Variants in DGKQ observed in about 807,000 individuals in gnomAD.
The protein encoded by DGKQ is DAG kinase theta.
DGKQ carries 97 observed loss-of-function variants against 104.2 expected under a neutral mutation model. That is an observed-to-expected ratio of 0.93 (90% CI 0.79 to 1.10). The LOEUF (loss-of-function observed/expected upper bound fraction) is 1.10. Among genes scored for constraint, DGKQ ranks in the 50% least tolerant of loss-of-function variants. The pLI is 0.00. For synonymous variants in DGKQ, 736 were observed against 595.2 expected (o/e 1.24, Z -3.44); for missense variants, 1,465 against 1,352.1 (o/e 1.08, Z -1.31).
In DGKQ at chr4:966,379, G is replaced by C. The variant is rs550920129; in HGVS notation, c.1428+87C>G. 5.6e-6 allele frequency: 8 copies of C among 1,432,050 alleles called. No individual in the cohort carries two copies. In the East Asian group the frequency reaches 1.6e-4, roughly 29 times the overall value. The allele number at this position is 1,432,050 out of a possible 1,614,324, so 88.7% of individuals were successfully genotyped here. Reference sequence around the variant, plus strand: ...GCCGCTGCCTAGCCAAGGAGAACTCGGCGTCTGGGGCACACCCACCCTGTG... The same window carrying C: ...GCCGCTGCCTAGCCAAGGAGAACTCCGCGTCTGGGGCACACCCACCCTGTG... On this transcript the variant is annotated intron_variant, in intron 12 of 22. Transcript: ENST00000273814.
Position 966,072 on chromosome 4 carries a change from C to G in DGKQ, c.1435G>C (p.Val479Leu). The G allele has an allele frequency of 6.3e-7, 1 of 1,597,968 alleles. No individual in the cohort carries two copies. Among genetic ancestry groups the G allele is most frequent in the South Asian group, 1.1e-5 (1 of 88,490 alleles). ...AACCGCGTCTGGCTCACCTGCCGCA[C>G]AGACATCTGCAGGGAGAGGGGCGGG... is the stretch of plus-strand genomic sequence containing the variant. ...DRLQDIRQMS[V>L]RQVSQTRFYV... is the part of the protein sequence containing the mutation. Residue 479 changes from valine to leucine, a missense_variant, in exon 13 of 23, where the codon GTG becomes CTG. Val to Leu is a conservative substitution (Grantham distance 32). Transcript: ENST00000273814.
chr4:965,395 G>A (rs991750148), intron 14 of DGKQ, 96 bp downstream of exon 14: 16 of 1,549,440 alleles, frequency 1.0e-5, no homozygotes, highest in Non-Finnish European at 1.3e-5. Context: ...GCTGCCCAAG[G>A]GAAAGGTCAG....
At chr4:967,412 T>G in intron 8 of DGKQ, 51 bp from the exon 9 acceptor site, 1 of 728,032 alleles carries the variant, frequency 1.4e-6, no homozygotes, top group Non-Finnish European at 2.1e-6. Context: ...CAGGCGGGGT[T>G]CAGTGGGGGG....
chr4:967,491 G>T, intron 8 of DGKQ, 58 bp downstream of exon 8: 1 of 1,561,296 alleles, frequency 6.4e-7, no homozygotes, highest in African/African-American at 1.3e-5. Flanking sequence ...AGGTGCGCCA[G>T]GTGCGGGGAC....
In DGKQ at chr4:962,532, T is replaced by A. The variant is rs779863076; in HGVS notation, c.2117A>T (p.Glu706Val). ...DPFSVLLSVD[E>V]ADAVLMDRWT... ...GCGGTCCATGAGCACGGCGTCGGCC[T>A]CGTCCACAGACAGCAGTACGGAGAA... is the stretch of plus-strand genomic sequence containing the variant. Residue 706 changes from glutamate to valine, a missense_variant, in exon 18 of 23, where the codon GAG becomes GTG. Glu to Val is a moderately radical substitution (Grantham distance 121, BLOSUM62 -2). Transcript: ENST00000273814. 1 of 1,610,332 alleles carries A rather than the reference T, an allele frequency of 6.2e-7. No individual in the cohort carries two copies. The highest frequency in any genetic ancestry group is 8.5e-7 in the Non-Finnish European group (1 of 1,179,934).
intron 15 of DGKQ, among the ~76,000 whole-genome samples, chr4:964,287 C>A (rs879037334): frequency 3.3e-5 from 5 of 152,216 alleles, no homozygotes; most frequent in Admixed American, 3.3e-4. Context: ...CAGCCACAGA[C>A]AACTCATTCT....
rs920890885 is a variant in DGKQ, at chr4:971,443, A to G, written c.272-371T>C. 3.2e-4 allele frequency among the ~76,000 whole-genome samples: 48 copies of G among 152,256 alleles called. No individual in the cohort carries two copies. The highest frequency in any genetic ancestry group is 1.9e-4 in the East Asian group (1 of 5,170). ...GCAGGGGCTTCTCGGCCTTCGGCAG[A>G]TTGGCTTTACCAAGGACATCTGTGT... is the stretch of plus-strand genomic sequence containing the variant. On this transcript the variant is annotated intron_variant, in intron 1 of 22. Coordinates refer to ENST00000273814, the MANE Select transcript of DGKQ (RefSeq NM_001347.4). This position sits in a 1 kb window ranked among gnomAD's most constrained non-coding sequence, Gnocchi z 4.0.
In DGKQ at chr4:967,928, C is replaced by T. The variant is rs765374245; in HGVS notation, c.763G>A (p.Gly255Ser). The T allele has an allele frequency of 6.8e-7, 1 of 1,470,780 alleles. No homozygotes were observed. Among genetic ancestry groups the T allele is most frequent in the Admixed American group, 2.5e-5 (1 of 39,306 alleles). 91.1% of individuals were successfully genotyped at this position (1,470,780 alleles called of 1,614,324 possible). The change falls in exon 6 of 23, where the codon GGC (glycine) becomes AGC (serine). Residue 255 changes from glycine (G) to serine (S), a missense_variant. Physicochemically the swap from Gly to Ser is moderately conservative, Grantham distance 56. Transcript: ENST00000273814. ...PPACVRLLPG[G>S]FSKTQSFRIV... Reference sequence around the variant, plus strand: ...CGGAAGCTCTGCGTCTTGCTGAAGCCGCCGGGCAGAAGGCGCACGCACGCG... The same window carrying T: ...CGGAAGCTCTGCGTCTTGCTGAAGCTGCCGGGCAGAAGGCGCACGCACGCG...
intron 2 of DGKQ, among the ~76,000 whole-genome samples, chr4:969,670 C>T (rs956716006): frequency 1.0e-4 from 15 of 147,876 alleles, no homozygotes; most frequent in East Asian, 4.0e-4. Context: ...AGTGCAGTGG[C>T]GTGATCTCGG....
Position 960,712 on chromosome 4 carries a change from G to A in DGKQ, c.2737C>T (p.Leu913=), listed in dbSNP as rs1272269907. The change falls in exon 23 of 23, where the codon CTG becomes TTG. Residue 913 remains leucine, a synonymous_variant. Coordinates refer to ENST00000273814, the MANE Select transcript of DGKQ (RefSeq NM_001347.4). The part of the protein sequence containing the change: ...ISAAGPKVHM[L]RKAKQKPRRA... Reference sequence around the variant, plus strand: ...CTCGGCTTCTGCTTGGCCTTCCTCAGCATGTGCACCTGTCCCAGGGCAGGG... The same window carrying A: ...CTCGGCTTCTGCTTGGCCTTCCTCAACATGTGCACCTGTCCCAGGGCAGGG... The A allele has an allele frequency of 3.1e-6, 5 of 1,612,008 alleles. No homozygotes were observed. The highest frequency in any genetic ancestry group is 2.2e-5 in the South Asian group (2 of 91,070).
chr4:961,920 C>G, intron 19 of DGKQ, 62 bp downstream of exon 19: 18 of 1,609,168 alleles, frequency 1.1e-5, no homozygotes, highest in Non-Finnish European at 1.4e-5. Flanking sequence ...TCTGCCTGTT[C>G]CTGCTGGGGG....
intron 22 of DGKQ, 84 bp downstream of exon 22, chr4:960,965 G>GC (rs1372327458): frequency 1.3e-5 from 21 of 1,564,940 alleles, no homozygotes; most frequent in Non-Finnish European, 1.7e-5. Context: ...GGCCATGCCA[G>GC]CACCACCTGG....
In DGKQ at chr4:962,004, C is replaced by T. The variant is rs1353358290; in HGVS notation, c.2293G>A (p.Glu765Lys). 1.2e-6 allele frequency: 2 copies of T among 1,613,220 alleles called. No individual in the cohort carries two copies. Among genetic ancestry groups the T allele is most frequent in the Non-Finnish European group, 1.7e-6 (2 of 1,179,962 alleles). Reference protein sequence around the residue: ...SLDFHQAREEEPGKFTSRLHN... With the variant: ...SLDFHQAREEKPGKFTSRLHN... ...TACCTGCTTGTGAACTTGCCAGGCT[C>T]CTCTTCCCGTGCCTGGTGGAAGTCC... The change falls in exon 19 of 23, where the codon GAG (glutamate) becomes AAG (lysine). Residue 765 changes from glutamate to lysine, a missense_variant. Glu to Lys is a moderately conservative substitution (Grantham distance 56, BLOSUM62 1). Coordinates refer to ENST00000273814, the MANE Select transcript of DGKQ (RefSeq NM_001347.4).
At position 971,182 on chromosome 4, in the gene DGKQ, A is replaced by G. The variant is rs114467755; in HGVS notation, c.272-110T>C. 4.5e-3 allele frequency: 3,475 copies of G among 776,684 alleles called. 93 individuals carry two copies. In the African/African-American group the frequency reaches 0.054, roughly 12 times the overall value. 48.1% of individuals were successfully genotyped at this position (776,684 alleles called of 1,614,324 possible). Reference sequence around the variant, plus strand: ...ACTGCCATACCCACCATGCTGCACCAGGGGCCCTGTGGTCCTCGAGTTCCC... The same window carrying G: ...ACTGCCATACCCACCATGCTGCACCGGGGGCCCTGTGGTCCTCGAGTTCCC... On this transcript the variant is annotated intron_variant, in intron 1 of 22. Coordinates refer to ENST00000273814, the MANE Select transcript of DGKQ (RefSeq NM_001347.4). This position sits in a 1 kb window ranked among gnomAD's most constrained non-coding sequence, Gnocchi z 4.0.
At chr4:962,372 G>C in intron 18 of DGKQ, 63 bp downstream of exon 18, 1 of 1,456,484 alleles carries the variant, frequency 6.9e-7, no homozygotes, top group Non-Finnish European at 9.2e-7. Flanking sequence ...CGCCCGTTGT[G>C]ACGCGTGTAG....
chr4:969,610 TCC>T (rs1712762668), intron 2 of DGKQ, among the ~76,000 whole-genome samples: 1 of 127,660 alleles, frequency 7.8e-6, no homozygotes, highest in Non-Finnish European at 1.7e-5. Context: ...TAAATATATC[TCC>T]TTTTTTTTTT....
At chr4:965,674 C>CT in intron 13 of DGKQ, 145 bp from the exon 14 acceptor site, 1 of 959,748 alleles carries the variant, frequency 1.0e-6, no homozygotes, top group Non-Finnish European at 1.6e-6. Flanking sequence ...ACTCCAGGAG[C>CT]AGGACTCCCA....
Position 967,555 on chromosome 4 carries a change from C to T in DGKQ, c.981G>A (p.Glu327=). ...CCCCCAGCCTCCCCCTTACCAGCACCTCCTCGGCACCGGCCAGGCGGGACA... is the reference window on the plus strand; with the variant it reads ...CCCCCAGCCTCCCCCTTACCAGCACTTCCTCGGCACCGGCCAGGCGGGACA... ...VTVSRLAGAE[E]VLEAALRAHH... is the part of the protein sequence containing the mutation. The change falls in exon 8 of 23, where the codon GAG becomes GAA. Residue 327 remains glutamate, a synonymous_variant. Coordinates refer to ENST00000273814, the MANE Select transcript of DGKQ (RefSeq NM_001347.4). 6.2e-7 allele frequency: 1 copy of T among 1,612,412 alleles called. No homozygotes were observed. Among genetic ancestry groups the T allele is most frequent in the Non-Finnish European group, 8.5e-7 (1 of 1,179,742 alleles).
At position 961,851 on chromosome 4, in the gene DGKQ, G is replaced by A. The variant is rs375902574; in HGVS notation, c.2316-17C>T. ...TTGTGCAGCCTGCAGGACGGGGCAG[G>A]TCACCCATCACCAGGGGAAGCCCTA... On this transcript the variant is annotated splice_polypyrimidine_tract_variant and intron_variant, in intron 19 of 22. Coordinates refer to ENST00000273814, the MANE Select transcript of DGKQ (RefSeq NM_001347.4). 4.1e-5 allele frequency: 65 copies of A among 1,592,084 alleles called. No individual in the cohort carries two copies. Among genetic ancestry groups the A allele is most frequent in the Non-Finnish European group, 5.3e-5 (62 of 1,168,730 alleles).
Sources: allele counts gnomAD v4.1 joint callset (sites outside exome capture counted in the v4.1 genomes callset), GRCh38; gene constraint gnomAD v4.1.1; non-coding constraint Gnocchi (gnomAD v3.1); transcripts MANE v1.5; gene names NCBI Gene and HGNC (gene_info 2026-07-23, HGNC 2026-07-21).